The following MCF2L2 variants were observed in gnomAD, a reference collection of about 807,000 sequenced individuals.
MCF2L2 encodes the protein MCF.2 cell line derived transforming sequence-like 2.
MCF2L2 carries 102 observed loss-of-function variants against 150.2 expected under a neutral mutation model. That is an observed-to-expected ratio of 0.68 (90% confidence interval 0.58 to 0.80). MCF2L2 has a LOEUF of 0.80. Among genes scored for constraint, MCF2L2 ranks in the 30% least tolerant of loss-of-function variants. The pLI is 0.00. For missense variants in MCF2L2, 1,256 were observed against 1,372.8 expected, an observed-to-expected ratio of 0.91 and a Z score of 1.34; for synonymous variants, 465 against 491.3, an observed-to-expected ratio of 0.95 and a Z score of 0.71.
chr3:183,404,293 T>C (rs921678578), intron 1 of MCF2L2, among the ~76,000 whole-genome samples: 3 of 152,008 alleles, frequency 2.0e-5, no homozygotes, highest in Non-Finnish European at 4.4e-5. Context: ...AAAATTCAAA[T>C]AAGAAACAAT....
intron 15 of MCF2L2, among the ~76,000 whole-genome samples, chr3:183,268,503 A>G (rs1726374992): frequency 6.6e-6 from 1 of 151,382 alleles, no homozygotes; most frequent in African/African-American, 2.5e-5. Flanking sequence ...ATGGAAGTGG[A>G]GAAAATGGGG....
At chr3:183,288,775 C>G (rs1181088976) in intron 14 of MCF2L2, among the ~76,000 whole-genome samples, 1 of 152,062 alleles carries the variant, frequency 6.6e-6, no homozygotes, top group Non-Finnish European at 1.5e-5. Context: ...CCACCGCGCC[C>G]GGCCTGTCAT....
In MCF2L2 at chr3:183,389,794, T is replaced by G. The variant is rs1391475314; in HGVS notation, c.77-15A>C. 3.7e-6 allele frequency: 6 copies of G among 1,603,654 alleles called. No homozygotes were observed. Among genetic ancestry groups the G allele is most frequent in the Non-Finnish European group, 4.3e-6 (5 of 1,170,538 alleles). ...CATAATTTCATCTGCACAAATGAAA[T>G]ACAAAGTGGGTTAGTTAAACATGTG... On this transcript the variant is annotated splice_polypyrimidine_tract_variant and intron_variant, in intron 1 of 29. Coordinates refer to ENST00000328913, the MANE Select transcript of MCF2L2 (RefSeq NM_015078.4).
intron 15 of MCF2L2, among the ~76,000 whole-genome samples, chr3:183,257,110 C>G (rs1725112211): frequency 6.6e-6 from 1 of 152,126 alleles, no homozygotes; most frequent in South Asian, 2.1e-4. Context: ...TAAAGCTACA[C>G]AAACAGATTC....
chr3:183,318,237 TAAC>T lies in MCF2L2; in HGVS notation c.604-23_604-21del, dbSNP rs1481887239. 2 of 1,613,908 alleles carry T rather than the reference TAAC, an allele frequency of 1.2e-6. No homozygotes were observed. The highest frequency in any genetic ancestry group is 2.2e-5 in the East Asian group (1 of 44,882). ...GATGGCCTGGAAGGTCAGACAATTG[TAAC>T]AATATGGAGAGATTAACATTCACCA... On this transcript the variant is annotated intron_variant, in intron 6 of 29. Coordinates refer to ENST00000328913, the MANE Select transcript of MCF2L2 (RefSeq NM_015078.4).
chr3:183,289,579 G>C (rs1448875506), intron 13 of MCF2L2, among the ~76,000 whole-genome samples: 1 of 152,316 alleles, frequency 6.6e-6, no homozygotes, highest in Non-Finnish European at 1.5e-5. Context: ...CTTTTGGCTG[G>C]GTTTGGTGGC....
intron 15 of MCF2L2, among the ~76,000 whole-genome samples, chr3:183,234,707 T>TTTTTTTTTTA (rs774291171): frequency 2.9e-4 from 33 of 113,936 alleles, no homozygotes; most frequent in Admixed American, 4.8e-4. Context: ...TTTTTTTTTT[T>TTTTTTTTTTA]TTATTATACT....
At chr3:183,320,320 C>G (rs780614247) in intron 6 of MCF2L2, among the ~76,000 whole-genome samples, 33 of 152,086 alleles carry the variant, frequency 2.2e-4, no homozygotes, top group Non-Finnish European at 4.7e-4. Flanking sequence ...TCTTGAACTA[C>G]TGACCTCAGG....
chr3:183,311,077 AC>A (rs1242850663), intron 8 of MCF2L2, 48 bp from the exon 9 acceptor site: 1 of 1,212,958 alleles, frequency 8.2e-7, no homozygotes, highest in African/African-American at 1.5e-5. Context: ...ATTCATTTCC[AC>A]AGGCATCCAT....
chr3:183,273,603 G>GT (rs1726973526), intron 15 of MCF2L2, among the ~76,000 whole-genome samples: 1 of 152,178 alleles, frequency 6.6e-6, no homozygotes, highest in Admixed American at 6.5e-5. Flanking sequence ...ACAAAATGAC[G>GT]TTTCGGTTAA....
At chr3:183,275,491 T>G (rs142164466) in intron 15 of MCF2L2, among the ~76,000 whole-genome samples, 3 of 152,396 alleles carry the variant, frequency 2.0e-5, no homozygotes, top group African/African-American at 7.2e-5. Flanking sequence ...ATTTTGCCTT[T>G]TCTCAAAGTT....
chr3:183,184,474 G>A (rs1320069087), intron 27 of MCF2L2, among the ~76,000 whole-genome samples: 1 of 152,230 alleles, frequency 6.6e-6, no homozygotes, highest in African/African-American at 2.4e-5. Flanking sequence ...AGTATTGGTG[G>A]AGAAGGACAA....
intron 3 of MCF2L2, chr3:183,375,373 T>TA (rs955908856): frequency 6.6e-6 from 1 of 152,262 alleles, no homozygotes; most frequent in African/African-American, 2.4e-5. Flanking sequence ...AACCCTCTCT[T>TA]ACAGGTCTGG....
intron 3 of MCF2L2, among the ~76,000 whole-genome samples, chr3:183,349,019 C>T (rs990284795): frequency 1.1e-4 from 17 of 152,218 alleles, no homozygotes; most frequent in African/African-American, 2.6e-4. Flanking sequence ...GCAATGCAGA[C>T]GATATTCTTT....
chr3:183,181,152 C>T lies in MCF2L2; in HGVS notation c.3017-993G>A, dbSNP rs1445228035. Among the ~76,000 whole-genome samples the T allele has an allele frequency of 6.6e-6, 1 of 152,212 alleles. No individual in the cohort carries two copies. The highest frequency in any genetic ancestry group is 1.5e-5 in the Non-Finnish European group (1 of 68,026). On this transcript the variant is annotated intron_variant, in intron 27 of 29. Transcript: ENST00000328913. This position sits in a 1 kb window ranked among gnomAD's most constrained non-coding sequence, Gnocchi z 4.3. ...AGAGGGAGGGCATTCTGGGCAGAGG[C>T]ATGGCCAGAGGGCGGTAGGCGGCAG... is the stretch of plus-strand genomic sequence containing the variant.
chr3:183,281,440 T>A (rs1216246383), intron 14 of MCF2L2, among the ~76,000 whole-genome samples: 3 of 148,836 alleles, frequency 2.0e-5, no homozygotes, highest in Non-Finnish European at 4.5e-5. Flanking sequence ...TAGCAGCACA[T>A]TCACAGATGG....
At position 183,179,956 on chromosome 3, in the gene MCF2L2, A is replaced by G. The variant is rs1721460276; in HGVS notation, c.3105+115T>C. On this transcript the variant is annotated intron_variant, in intron 28 of 29. Transcript: ENST00000328913. The surrounding 1 kb of genome is among the most constrained non-coding windows in gnomAD (Gnocchi z 4.2). ...GGCTCCCTGGCTTAACCAGGTCCTTATGGGTGAGAATCCTGAGGAGGGGGA... is the reference window on the plus strand; with the variant it reads ...GGCTCCCTGGCTTAACCAGGTCCTTGTGGGTGAGAATCCTGAGGAGGGGGA... 1.1e-6 allele frequency: 1 copy of G among 908,958 alleles called. No homozygotes were observed. Among genetic ancestry groups the G allele is most frequent in the Admixed American group, 1.9e-5 (1 of 51,736 alleles). The allele number at this position is 908,958 out of a possible 1,614,324, so 56.3% of individuals were successfully genotyped here.
chr3:183,311,060 G>T, intron 8 of MCF2L2, 31 bp from the exon 9 acceptor site: 1 of 1,412,650 alleles, frequency 7.1e-7, no homozygotes, highest in Non-Finnish European at 1.0e-6. Flanking sequence ...AGTGATGTTA[G>T]GTTAGCATTC....
At chr3:183,249,535 A>G (rs1299095009) in intron 15 of MCF2L2, among the ~76,000 whole-genome samples, 1 of 152,208 alleles carries the variant, frequency 6.6e-6, no homozygotes, top group Non-Finnish European at 1.5e-5. Flanking sequence ...GAAGAGAAGA[A>G]AATGGAAGAA....
Sources: allele counts gnomAD v4.1 joint callset (sites outside exome capture counted in the v4.1 genomes callset), GRCh38; gene constraint gnomAD v4.1.1; non-coding constraint Gnocchi (gnomAD v3.1); transcripts MANE v1.5; gene names NCBI Gene and HGNC (gene_info 2026-07-23, HGNC 2026-07-21).